The following DNAAF11 variants were observed in gnomAD, a reference collection of about 807,000 sequenced individuals.
DNAAF11 encodes leucine rich repeat containing 6.
In DNAAF11, 45 loss-of-function variants were observed where a neutral mutation model predicts 60.8. The observed-to-expected ratio is 0.74, with a 90% confidence interval of 0.58 to 0.95. The LOEUF (loss-of-function observed/expected upper bound fraction) is 0.95. Ranked by LOEUF, DNAAF11 falls within the 40% of genes least tolerant of loss-of-function variation. DNAAF11 has a pLI of 0.00. For synonymous variants in DNAAF11, 191 were observed against 183.5 expected (o/e 1.04, Z -0.33); for missense variants, 546 against 546.2 (o/e 1.00, Z 0.00).
Position 132,615,109 on chromosome 8 carries a change from A to C in DNAAF11, c.915-12T>G. On this transcript the variant is annotated splice_polypyrimidine_tract_variant and intron_variant, in intron 7 of 11. Transcript: ENST00000620350. ...AAGAGAAGTCAATTCTAAGAATAAC[A>C]CATTTGGTGGGAAAAAAGAGATGTC... 2 of 1,582,376 alleles carry C rather than the reference A, an allele frequency of 1.3e-6. No individual in the cohort carries two copies. The highest frequency in any genetic ancestry group is 1.7e-6 in the Non-Finnish European group (2 of 1,152,456).
intron 10 of DNAAF11, among the ~76,000 whole-genome samples, chr8:132,594,615 G>A (rs1298865975): frequency 6.6e-6 from 1 of 152,070 alleles, no homozygotes; most frequent in South Asian, 2.1e-4. Context: ...CATGGGGGCA[G>A]TTTCCCCCAT....
intron 3 of DNAAF11, among the ~76,000 whole-genome samples, chr8:132,653,211 T>G (rs970591462): frequency 1.3e-5 from 2 of 151,998 alleles, no homozygotes; most frequent in Non-Finnish European, 2.9e-5. Flanking sequence ...GGTAGATGGA[T>G]GGATAGATGG....
intron 10 of DNAAF11, among the ~76,000 whole-genome samples, chr8:132,596,427 C>T (rs1817024274): frequency 6.6e-6 from 1 of 152,118 alleles, no homozygotes; most frequent in Non-Finnish European, 1.5e-5. Context: ...GAAGATCATC[C>T]ACACATTGCA....
At chr8:132,574,750 G>A (rs1224648205) in intron 11 of DNAAF11, among the ~76,000 whole-genome samples, 2 of 152,072 alleles carry the variant, frequency 1.3e-5, no homozygotes, top group Non-Finnish European at 2.9e-5. Context: ...GCCTTTTGTT[G>A]AGCCCCATGC....
chr8:132,665,097 T>C (rs1824500693), intron 1 of DNAAF11, among the ~76,000 whole-genome samples: 1 of 151,438 alleles, frequency 6.6e-6, no homozygotes, highest in Non-Finnish European at 1.5e-5. Flanking sequence ...TGTGAAGATG[T>C]GGAAATTTCC....
intron 10 of DNAAF11, among the ~76,000 whole-genome samples, chr8:132,601,912 AAAGTAT>A (rs1817663463): frequency 6.6e-6 from 1 of 152,128 alleles, no homozygotes; most frequent in Non-Finnish European, 1.5e-5. Flanking sequence ...CCTAGAACTT[AAAGTAT>A]AATAATAATA....
chr8:132,649,291 C>G (rs200166255), intron 3 of DNAAF11, among the ~76,000 whole-genome samples: 7 of 152,104 alleles, frequency 4.6e-5, no homozygotes, highest in East Asian at 1.9e-4. Context: ...TTAATAAATG[C>G]TGCTGGGAAA....
At chr8:132,620,615 G>A (rs949407013) in intron 7 of DNAAF11, among the ~76,000 whole-genome samples, 1 of 152,178 alleles carries the variant, frequency 6.6e-6, no homozygotes, top group Admixed American at 6.5e-5. Flanking sequence ...GATTATAGGC[G>A]TGAGCCACTG....
At chr8:132,580,029 T>A in intron 11 of DNAAF11, among the ~76,000 whole-genome samples, 1 of 142,344 alleles carries the variant, frequency 7.0e-6, no homozygotes. Context: ...AAAAGACGAC[T>A]ACTCAAGGAA....
intron 1 of DNAAF11, among the ~76,000 whole-genome samples, chr8:132,663,287 A>G (rs1379517577): frequency 6.6e-6 from 1 of 152,224 alleles, no homozygotes; most frequent in African/African-American, 2.4e-5. Flanking sequence ...AGGAAAAGAG[A>G]AAAACCAAAC....
chr8:132,698,315 T>C, the DNAAF11 span, among the ~76,000 whole-genome samples: 2 of 152,164 alleles, frequency 1.3e-5, no homozygotes, highest in African/African-American at 4.8e-5. Flanking sequence ...GGTTAGATGA[T>C]TTTCCCAAAA....
intron 1 of DNAAF11, among the ~76,000 whole-genome samples, chr8:132,675,095 T>C (rs1825656820): frequency 6.6e-6 from 1 of 152,142 alleles, no homozygotes; most frequent in Non-Finnish European, 1.5e-5. Context: ...AGTCCGAAGA[T>C]TGCGGCTTGG....
intron 1 of DNAAF11, 190 bp downstream of exon 1, chr8:132,675,294 C>A: frequency 3.6e-6 from 2 of 559,268 alleles, no homozygotes; most frequent in South Asian, 5.7e-5. Context: ...AAAGGCCAGG[C>A]TGTCCGGCCA....
chr8:132,591,534 T>TTAA (rs1377837333), intron 10 of DNAAF11, among the ~76,000 whole-genome samples: 1 of 152,068 alleles, frequency 6.6e-6, no homozygotes, highest in Non-Finnish European at 1.5e-5. Flanking sequence ...CACCTTTCTA[T>TTAA]TAGAGTTTTA....
At chr8:132,643,769 G>T (rs1237481228) in intron 3 of DNAAF11, 1 of 454,154 alleles carries the variant, frequency 2.2e-6, no homozygotes, top group African/African-American at 2.0e-5. Context: ...GAGTGCATTC[G>T]TTAGACACTT....
At chr8:132,658,931 A>G (rs1296700823) in intron 2 of DNAAF11, among the ~76,000 whole-genome samples, 1 of 152,174 alleles carries the variant, frequency 6.6e-6, no homozygotes, top group Non-Finnish European at 1.5e-5. Context: ...GGGAAAAGGG[A>G]GTCTGAGTTC....
chr8:132,644,499 G>A (rs1464090914), intron 3 of DNAAF11, among the ~76,000 whole-genome samples: 2 of 152,144 alleles, frequency 1.3e-5, no homozygotes, highest in Non-Finnish European at 2.9e-5. Context: ...GACAATGGGT[G>A]CAGCTCACGG....
chr8:132,670,057 A>C (rs185807116), intron 1 of DNAAF11, among the ~76,000 whole-genome samples: 1,864 of 152,160 alleles, frequency 0.012, 22 homozygotes, highest in Non-Finnish European at 0.02. Flanking sequence ...TATAGTAGGA[A>C]TAAAGAAAGG....
At chr8:132,668,335 T>C (rs1168864683) in intron 1 of DNAAF11, among the ~76,000 whole-genome samples, 1 of 152,182 alleles carries the variant, frequency 6.6e-6, no homozygotes, top group African/African-American at 2.4e-5. Context: ...CACTAAGTGC[T>C]ATGGGGCACT....
Sources: gnomAD v4.1 joint callset for allele counts (sites outside exome capture counted in the v4.1 genomes callset) on GRCh38, gnomAD v4.1.1 for gene constraint, MANE v1.5 for transcripts, NCBI Gene and HGNC (gene_info 2026-07-23, HGNC 2026-07-21) for gene names.